The following CBX5 variants were observed in gnomAD, a reference collection of about 807,000 sequenced individuals.
CBX5 encodes the protein chromobox 5, also known as chromobox protein homolog 5.
Under a neutral mutation model 20.7 loss-of-function variants are expected in CBX5, and 7 were observed. That is an observed-to-expected ratio of 0.34 (90% CI 0.19 to 0.63). CBX5 has a LOEUF of 0.63. Among genes scored for constraint, CBX5 ranks in the 30% least tolerant of loss-of-function variants. The pLI is 0.75. For synonymous variants in CBX5, 78 were observed against 77.0 expected (o/e 1.01, Z -0.07); for missense variants, 110 against 224.1 (o/e 0.49, Z 3.25).
At chr12:54,275,277 C>T (rs539353660) in intron 1 of CBX5, among the ~76,000 whole-genome samples, 19 of 152,118 alleles carry the variant, frequency 1.2e-4, no homozygotes, top group African/African-American at 4.3e-4. Context: ...CAGTCTCGCT[C>T]TGTCACCCAG....
intron 1 of CBX5, among the ~76,000 whole-genome samples, chr12:54,275,142 C>T (rs1330450842): frequency 2.6e-5 from 4 of 152,324 alleles, no homozygotes; most frequent in South Asian, 4.2e-4. Context: ...TGCTCACCTA[C>T]TACCCAAATT....
At chr12:54,260,473 G>A (rs1172372689) in intron 1 of CBX5, among the ~76,000 whole-genome samples, 1 of 151,412 alleles carries the variant, frequency 6.6e-6, no homozygotes, top group Non-Finnish European at 1.5e-5. Context: ...CAGCCTGGGC[G>A]ACAAGAGTGA....
chr12:54,257,494 G>A lies in CBX5; in HGVS notation c.137+20C>T. On this transcript the variant is annotated intron_variant, in intron 2 of 4. Transcript: ENST00000209875. ...CTATCTCTACAGAGTCCCAACGCCT[G>A]GGGGAAAAAAGGAACTTACTCAGAA... 1 of 1,613,412 alleles carries A rather than the reference G, an allele frequency of 6.2e-7. No individual in the cohort carries two copies. Among genetic ancestry groups the A allele is most frequent in the Non-Finnish European group, 8.5e-7 (1 of 1,179,544 alleles).
intron 3 of CBX5, among the ~76,000 whole-genome samples, chr12:54,251,578 C>G (rs990822745): frequency 3.3e-5 from 5 of 150,026 alleles, no homozygotes; most frequent in African/African-American, 1.2e-4. Flanking sequence ...ATAATCCCAG[C>G]TACTACTGAG....
chr12:54,269,292 C>G (rs914443279), intron 1 of CBX5, among the ~76,000 whole-genome samples: 2 of 152,088 alleles, frequency 1.3e-5, no homozygotes, highest in Admixed American at 1.3e-4. Context: ...CTGTTTTAAG[C>G]GTTCCTGCTT....
At chr12:54,243,971 T>G (rs1048631371) in intron 4 of CBX5, among the ~76,000 whole-genome samples, 5 of 152,174 alleles carry the variant, frequency 3.3e-5, no homozygotes, top group Non-Finnish European at 5.9e-5. Flanking sequence ...AGCAGTACTC[T>G]CATCAGATAA....
At chr12:54,265,597 G>T (rs1943949224) in intron 1 of CBX5, among the ~76,000 whole-genome samples, 2 of 152,226 alleles carry the variant, frequency 1.3e-5, no homozygotes, top group Admixed American at 1.3e-4. Flanking sequence ...GATTAGGAAA[G>T]AGTTGAAGAG....
chr12:54,250,729 C>T (rs1943788742), intron 3 of CBX5, among the ~76,000 whole-genome samples: 2 of 128,350 alleles, frequency 1.6e-5, no homozygotes, highest in African/African-American at 5.9e-5. Flanking sequence ...GGCGTGAACC[C>T]GGGAGGCAGA....
At chr12:54,271,520 C>T (rs564844965) in intron 1 of CBX5, among the ~76,000 whole-genome samples, 1 of 152,270 alleles carries the variant, frequency 6.6e-6, no homozygotes, top group African/African-American at 2.4e-5. Context: ...GACAGGGTTT[C>T]ACCATGTTGG....
chr12:54,277,725 G>C (rs1944084109), intron 1 of CBX5, among the ~76,000 whole-genome samples: 1 of 152,162 alleles, frequency 6.6e-6, no homozygotes, highest in Non-Finnish European at 1.5e-5. Flanking sequence ...TCAGGATTTA[G>C]TGATCCATTT....
intron 1 of CBX5, among the ~76,000 whole-genome samples, chr12:54,270,040 C>CT (rs1289515184): frequency 2.6e-5 from 4 of 152,100 alleles, no homozygotes; most frequent in Non-Finnish European, 5.9e-5. Flanking sequence ...TAATTAGTAT[C>CT]TTTTTTCCTG....
At chr12:54,273,679 T>C (rs1477384812) in intron 1 of CBX5, 1 of 152,136 alleles carries the variant, frequency 6.6e-6, no homozygotes, top group Non-Finnish European at 1.5e-5. Context: ...CAGAGAGATA[T>C]GCCAAGGAAT....
intron 1 of CBX5, among the ~76,000 whole-genome samples, chr12:54,269,223 AC>A (rs1385827493): frequency 6.6e-6 from 1 of 152,004 alleles, no homozygotes; most frequent in Non-Finnish European, 1.5e-5. Flanking sequence ...AGATTGCACA[AC>A]TACACTCCAG....
chr12:54,265,185 T>C (rs1345649013), intron 1 of CBX5, among the ~76,000 whole-genome samples: 4 of 152,208 alleles, frequency 2.6e-5, no homozygotes, highest in Non-Finnish European at 4.4e-5. Flanking sequence ...GATTAAATTG[T>C]CAGCTACAGC....
intron 2 of CBX5, among the ~76,000 whole-genome samples, chr12:54,256,940 T>G (rs1426265857): frequency 2.0e-5 from 3 of 152,098 alleles, no homozygotes; most frequent in Non-Finnish European, 4.4e-5. Context: ...CTTGGCTCAC[T>G]GCAACCTCCG....
At chr12:54,268,772 A>C (rs1168632003) in intron 1 of CBX5, among the ~76,000 whole-genome samples, 1 of 152,214 alleles carries the variant, frequency 6.6e-6, no homozygotes, top group South Asian at 2.1e-4. Context: ...CAATAGTGGA[A>C]AGATCAGGAC....
At position 54,239,516 on chromosome 12, in the gene CBX5, C is replaced by T. The variant is rs1251017612; in HGVS notation, c.*2239G>A. The T allele has an allele frequency of 2.6e-5, 4 of 152,200 alleles. No individual in the cohort carries two copies. The highest frequency in any genetic ancestry group is 9.6e-5 in the African/African-American group (4 of 41,458). The allele number at this position is 152,200 out of a possible 1,614,324, so 9.4% of individuals were successfully genotyped here. On this transcript the variant is annotated 3_prime_UTR_variant, in exon 5 of 5. Transcript: ENST00000209875. ...CCTATTTTTGTCCTATTCTTGTCTACCCTAATTGATATCCTTGGCTACATT... is the reference window on the plus strand; with the variant it reads ...CCTATTTTTGTCCTATTCTTGTCTATCCTAATTGATATCCTTGGCTACATT...
At chr12:54,274,687 T>C (rs7964426) in intron 1 of CBX5, among the ~76,000 whole-genome samples, 116,129 of 152,136 alleles carry the variant, frequency 0.76, 45,812 homozygotes, top group East Asian at 1. Context: ...TGCCTGTAAT[T>C]CTAACACTTT....
rs776755415 is a variant in CBX5, at chr12:54,252,243, G to A, written c.138-16C>T. The A allele has an allele frequency of 1.8e-5, 27 of 1,514,640 alleles. No homozygotes were observed. The highest frequency in any genetic ancestry group is 2.3e-5 in the Admixed American group (1 of 42,662). The allele number at this position is 1,514,640 out of a possible 1,614,324, so 93.8% of individuals were successfully genotyped here. On this transcript the variant is annotated splice_polypyrimidine_tract_variant and intron_variant, in intron 2 of 4. Transcript: ENST00000209875. The stretch of plus-strand genomic sequence containing the variant: ...ATTGTGCTCCCTGGGTAAGAAAAAT[G>A]GGAAAATTAAAAAAAAAAGGGGGGG...
Sources: gnomAD v4.1 joint callset for allele counts (sites outside exome capture counted in the v4.1 genomes callset) on GRCh38, gnomAD v4.1.1 for gene constraint, MANE v1.5 for transcripts, NCBI Gene and HGNC (gene_info 2026-07-23, HGNC 2026-07-21) for gene names.